SLC5A8: variants seen among roughly 807,000 people sequenced by gnomAD.
The protein encoded by SLC5A8 is solute carrier family 5 member 8, also known as sodium-coupled monocarboxylate transporter 1.
Under a neutral mutation model 71.9 loss-of-function variants are expected in SLC5A8, and 55 were observed. The observed-to-expected ratio is 0.77, with a 90% CI of 0.62 to 0.96. The LOEUF is 0.96. Ranked by LOEUF, SLC5A8 falls within the 40% of genes least tolerant of loss-of-function variation. The pLI, the probability that SLC5A8 is intolerant of heterozygous loss-of-function variation, is 0.00. For synonymous variants in SLC5A8, 307 were observed against 276.1 expected, an observed-to-expected ratio of 1.11 and a Z score of -1.11; for missense variants, 701 against 745.3, an observed-to-expected ratio of 0.94 and a Z score of 0.69.
rs181143190 is a variant in SLC5A8, at chr12:101,165,168, G to C, written c.1526+1326C>G. 6.4e-4 allele frequency among the ~76,000 whole-genome samples: 98 copies of C among 152,184 alleles called. 1 individual carries two copies. Among genetic ancestry groups the C allele is most frequent in the Admixed American group, 6.1e-3 (93 of 15,296 alleles). ...TGGCCAGCACAGTGCTGGGTACATAGTCCATGCTCAAAAATTCTTGTTTAT... is the reference window on the plus strand; with the variant it reads ...TGGCCAGCACAGTGCTGGGTACATACTCCATGCTCAAAAATTCTTGTTTAT... On this transcript the variant is annotated intron_variant, in intron 12 of 14. Coordinates refer to ENST00000536262, the MANE Select transcript of SLC5A8 (RefSeq NM_145913.5).
chr12:101,180,320 A>G (rs2051920556), intron 9 of SLC5A8, among the ~76,000 whole-genome samples: 1 of 152,188 alleles, frequency 6.6e-6, no homozygotes, highest in Admixed American at 6.5e-5. Flanking sequence ...GATTAGTTAC[A>G]ACAGTAGGTT....
intron 13 of SLC5A8, among the ~76,000 whole-genome samples, chr12:101,159,756 G>C (rs1187663454): frequency 6.6e-6 from 1 of 152,152 alleles, no homozygotes; most frequent in Non-Finnish European, 1.5e-5. Context: ...GTATTCAAAG[G>C]AGCTACTCTG....
chr12:101,206,451 C>G (rs1869682228), intron 1 of SLC5A8, among the ~76,000 whole-genome samples: 1 of 152,122 alleles, frequency 6.6e-6, no homozygotes, highest in East Asian at 1.9e-4. Context: ...TAAATTGAAC[C>G]AAACTGAAGC....
At chr12:101,205,715 A>G (rs1157842677) in intron 1 of SLC5A8, among the ~76,000 whole-genome samples, 2 of 152,232 alleles carry the variant, frequency 1.3e-5, no homozygotes, top group Non-Finnish European at 2.9e-5. Context: ...AACCCATGTT[A>G]GAGACAAGAA....
rs112258181 is a variant in SLC5A8 at position 101,162,111 on chromosome 12, T to A, written c.1527-34A>T. 2.2e-5 allele frequency: 32 copies of A among 1,436,974 alleles called. No individual in the cohort carries two copies. In the African/African-American group the frequency reaches 2.2e-4, roughly 10 times the overall value. 89.0% of individuals were successfully genotyped at this position (1,436,974 alleles called of 1,614,324 possible). A position where few individuals can be genotyped will look rare whatever the true frequency, so the allele number is the denominator to read the frequency against. The stretch of plus-strand genomic sequence containing the variant: ...GCAAAAACACAACGGTAAGATTTCA[T>A]GTAATGCCACTAGCAACTACCAGTA... On this transcript the variant is annotated intron_variant, in intron 12 of 14. Transcript: ENST00000536262.
chr12:101,178,701 C>G (rs1288452443), intron 10 of SLC5A8, among the ~76,000 whole-genome samples: 1 of 152,086 alleles, frequency 6.6e-6, no homozygotes. Flanking sequence ...AACTCTAAAA[C>G]TCTTTGAAAA....
rs1244680903 is a variant in SLC5A8 at position 101,157,240 on chromosome 12, T to A, written c.*39A>T. ...CAATTATCTTAGAAAACATATAAAA[T>A]TGAAACATCATTTAAGGATATCTAG... On this transcript the variant is annotated 3_prime_UTR_variant, in exon 15 of 15. Transcript: ENST00000536262. 1 of 1,593,554 alleles carries A rather than the reference T, an allele frequency of 6.3e-7. No homozygotes were observed. The highest frequency in any genetic ancestry group is 8.6e-7 in the Non-Finnish European group (1 of 1,167,132).
chr12:101,187,323 C>A, intron 7 of SLC5A8, 63 bp downstream of exon 7: 1 of 1,507,652 alleles, frequency 6.6e-7, no homozygotes, highest in South Asian at 1.4e-5. Context: ...ATGCTCTTTC[C>A]TCTCAACTAA....
At position 101,200,030 on chromosome 12, in the gene SLC5A8, AAAAAAAAAAAAAAAAAAAAAAAAAG is replaced by A. The variant is rs1445036207; in HGVS notation, c.469+2109_469+2133del. On this transcript the variant is annotated intron_variant, in intron 3 of 14. Coordinates refer to ENST00000536262, the MANE Select transcript of SLC5A8 (RefSeq NM_145913.5). ...CCAGCAAAAAAAAAAAAAAAAAAAA[AAAAAAAAAAAAAAAAAAAAAAAAAG>A]GGAATGAACTACTGATATATATGTA... 1.6e-3 allele frequency among the ~76,000 whole-genome samples: 165 copies of A among 102,048 alleles called. 9 individuals are homozygous for A. Among genetic ancestry groups the A allele is most frequent in the Middle Eastern group, 9.3e-3 (2 of 216 alleles). The allele number at this position is 102,048 out of a possible 152,430, so 66.9% of individuals were successfully genotyped here. A position where few individuals can be genotyped will look rare whatever the true frequency, so the allele number is the denominator to read the frequency against.
At chr12:101,191,386 T>A (rs1229736296) in intron 5 of SLC5A8, among the ~76,000 whole-genome samples, 1 of 152,224 alleles carries the variant, frequency 6.6e-6, no homozygotes, top group Non-Finnish European at 1.5e-5. Context: ...TCCTTAAAAT[T>A]ATGAAATTTT....
At position 101,157,143 on chromosome 12, in the gene SLC5A8, T is replaced by C. The variant is rs983460552; in HGVS notation, c.*136A>G. On this transcript the variant is annotated 3_prime_UTR_variant, in exon 15 of 15. Transcript: ENST00000536262. ...GTAGTAAATGAAGATAGTCCAGACT[T>C]TGTTTTAACAAAAACTTATCCCCCA... 1.0e-6 allele frequency: 1 copy of C among 998,540 alleles called. No individual in the cohort carries two copies. The highest frequency in any genetic ancestry group is 1.6e-5 in the African/African-American group (1 of 61,566). The allele number at this position is 998,540 out of a possible 1,614,324, so 61.9% of individuals were successfully genotyped here.
chr12:101,190,728 G>C, intron 5 of SLC5A8, 120 bp from the exon 6 acceptor site: 3 of 673,452 alleles, frequency 4.5e-6, no homozygotes, highest in Non-Finnish European at 6.4e-6. Context: ...ACATAAATAT[G>C]TAAAAATTTA....
chr12:101,173,413 G>A (rs1467366643), intron 10 of SLC5A8, among the ~76,000 whole-genome samples: 1 of 152,184 alleles, frequency 6.6e-6, no homozygotes, highest in Non-Finnish European at 1.5e-5. Context: ...AGCTTTCTCA[G>A]CCCAAGTGAT....
chr12:101,176,993 T>C (rs2051885329), intron 10 of SLC5A8, among the ~76,000 whole-genome samples: 1 of 152,026 alleles, frequency 6.6e-6, no homozygotes, highest in African/African-American at 2.4e-5. Context: ...AAGCTGGTTC[T>C]TTGAAAACAT....
At chr12:101,164,071 A>C (rs1226185549) in intron 12 of SLC5A8, among the ~76,000 whole-genome samples, 1 of 152,250 alleles carries the variant, frequency 6.6e-6, no homozygotes, top group Non-Finnish European at 1.5e-5. Context: ...TTTCTTAAAC[A>C]AGACACATAA....
chr12:101,184,296 T>C, intron 7 of SLC5A8, 74 bp from the exon 8 acceptor site: 1 of 1,244,112 alleles, frequency 8.0e-7, no homozygotes, highest in Non-Finnish European at 1.2e-6. Context: ...GTTTATCATT[T>C]GTCTTGTCTC....
At chr12:101,189,117 G>A (rs547774433) in intron 6 of SLC5A8, among the ~76,000 whole-genome samples, 17 of 152,314 alleles carry the variant, frequency 1.1e-4, no homozygotes, top group African/African-American at 3.8e-4. Context: ...TGCTATTTAA[G>A]TTATCAAGTC....
rs566026950 is a variant in SLC5A8, at chr12:101,156,147, T to TA, written c.*1131dup. ...AAGCATTTTTTGAGTCCAGACGTTT[T>TA]AAAAAAAGTAGTGTTTGCTTATATA... is the stretch of plus-strand genomic sequence containing the variant. On this transcript the variant is annotated 3_prime_UTR_variant, in exon 15 of 15. Transcript: ENST00000536262. 756 of 152,218 alleles carry TA rather than the reference T, an allele frequency of 5.0e-3. 9 individuals are homozygous for TA. The highest frequency in any genetic ancestry group is 0.017 in the African/African-American group (705 of 41,546). 9.4% of individuals were successfully genotyped at this position (152,218 alleles called of 1,614,324 possible). A position where few individuals can be genotyped will look rare whatever the true frequency, so the allele number is the denominator to read the frequency against.
chr12:101,183,783 G>A (rs1434762968), intron 8 of SLC5A8, among the ~76,000 whole-genome samples: 1 of 152,076 alleles, frequency 6.6e-6, no homozygotes, highest in Non-Finnish European at 1.5e-5. Flanking sequence ...TTTTCCAGTT[G>A]ACCACGCTTC....
Sources: gnomAD v4.1 joint callset for allele counts (sites outside exome capture counted in the v4.1 genomes callset) on GRCh38, gnomAD v4.1.1 for gene constraint, MANE v1.5 for transcripts, NCBI Gene and HGNC (gene_info 2026-07-23, HGNC 2026-07-21) for gene names.